LRP1B: variants seen among roughly 807,000 people sequenced by gnomAD.
The protein encoded by LRP1B is LDL receptor related protein 1B.
A neutral mutation model predicts 556.6 loss-of-function variants in LRP1B; 217 were observed. That is an observed-to-expected ratio of 0.39 (90% CI 0.35 to 0.44). The LOEUF is 0.44. Ranked by LOEUF, LRP1B falls within the 20% of genes least tolerant of loss-of-function variation. The probability of loss-of-function intolerance (pLI) is 1.00; values close to 1 mark genes in which losing one functional copy is unlikely to be tolerated. For missense variants in LRP1B, 5,053 were observed against 5,620.8 expected (o/e 0.90, Z 3.23); for synonymous variants, 2,047 against 1,865.8 (o/e 1.10, Z -2.50).
chr2:141,426,544 A>G (rs1680370529), intron 3 of LRP1B, among the ~76,000 whole-genome samples: 1 of 151,308 alleles, frequency 6.6e-6, no homozygotes, highest in Admixed American at 6.6e-5. Flanking sequence ...CTTTGAAATG[A>G]CAAAGAAAGA....
chr2:140,946,183 T>C (rs1469657801), intron 20 of LRP1B, among the ~76,000 whole-genome samples: 6 of 152,150 alleles, frequency 3.9e-5, no homozygotes, highest in South Asian at 2.1e-4. Context: ...ATGGCTATTA[T>C]TAAAAAGTCA....
intron 55 of LRP1B, among the ~76,000 whole-genome samples, chr2:140,496,543 A>G (rs2104876694): frequency 6.6e-6 from 1 of 152,168 alleles, no homozygotes; most frequent in South Asian, 2.1e-4. Context: ...ATGATGTTTT[A>G]TTTGTCCTTC....
intron 60 of LRP1B, among the ~76,000 whole-genome samples, chr2:140,474,481 G>C (rs987097476): frequency 1.3e-5 from 2 of 151,834 alleles, no homozygotes; most frequent in Non-Finnish European, 2.9e-5. Flanking sequence ...TGATAGCAAA[G>C]GTGACACTAG....
At chr2:142,123,149 T>A (rs574793573) in intron 1 of LRP1B, among the ~76,000 whole-genome samples, 3 of 152,028 alleles carry the variant, frequency 2.0e-5, no homozygotes, top group East Asian at 3.9e-4. Context: ...AGCTTTTCTT[T>A]CTCACAAATA....
chr2:140,895,945 G>A (rs1366647305), intron 23 of LRP1B, among the ~76,000 whole-genome samples: 1 of 152,074 alleles, frequency 6.6e-6, no homozygotes, highest in South Asian at 2.1e-4. Flanking sequence ...TGGAGGTGGG[G>A]GGCAGGGTGG....
intron 86 of LRP1B, among the ~76,000 whole-genome samples, chr2:140,260,233 T>G (rs2104924760): frequency 6.6e-6 from 1 of 152,040 alleles, no homozygotes; most frequent in East Asian, 1.9e-4. Flanking sequence ...AAACACTGAG[T>G]GTCTGAACTG....
chr2:141,356,878 T>C (rs1446856999), intron 3 of LRP1B, among the ~76,000 whole-genome samples: 1 of 152,118 alleles, frequency 6.6e-6, no homozygotes, highest in Admixed American at 6.5e-5. Flanking sequence ...TTTTTTCTTA[T>C]TATCGCAACC....
At chr2:141,517,788 A>G (rs1684378870) in intron 2 of LRP1B, among the ~76,000 whole-genome samples, 1 of 152,202 alleles carries the variant, frequency 6.6e-6, no homozygotes, top group African/African-American at 2.4e-5. Flanking sequence ...AGAAAAGCTT[A>G]CTTCCTAAGA....
chr2:141,940,459 C>T (rs1304214796), intron 1 of LRP1B, among the ~76,000 whole-genome samples: 3 of 152,050 alleles, frequency 2.0e-5, no homozygotes, highest in African/African-American at 7.2e-5. Context: ...ATGTAATTCA[C>T]AATGTACTCT....
chr2:140,902,836 ATTAATTTTCT>A (rs1439139055), intron 23 of LRP1B, 74 bp downstream of exon 23: 9 of 1,421,806 alleles, frequency 6.3e-6, no homozygotes, highest in Non-Finnish European at 8.7e-6. Flanking sequence ...GAATCCTTTC[ATTAATTTTCT>A]GAAGCAGTTT....
intron 60 of LRP1B, among the ~76,000 whole-genome samples, chr2:140,463,371 TG>T (rs760996281): frequency 5.9e-5 from 9 of 152,228 alleles, no homozygotes; most frequent in African/African-American, 2.2e-4. Flanking sequence ...CTAATAATTA[TG>T]TATGTCTCCT....
chr2:141,321,147 G>C (rs1364975506), intron 3 of LRP1B, among the ~76,000 whole-genome samples: 2 of 152,028 alleles, frequency 1.3e-5, no homozygotes, highest in East Asian at 3.9e-4. Context: ...TGAGAATAAA[G>C]GGCATAAAGA....
At chr2:141,834,895 G>A (rs931868951) in intron 1 of LRP1B, among the ~76,000 whole-genome samples, 12 of 152,036 alleles carry the variant, frequency 7.9e-5, no homozygotes, top group African/African-American at 2.9e-4. Flanking sequence ...ACAGGTGGAA[G>A]GTGAAAGGGA....
chr2:141,209,816 A>G (rs1682465361), intron 6 of LRP1B, among the ~76,000 whole-genome samples: 1 of 152,200 alleles, frequency 6.6e-6, no homozygotes, highest in African/African-American at 2.4e-5. Flanking sequence ...AGACACAGAC[A>G]CGGATGGAGG....
At chr2:141,637,189 T>C (rs185732693) in intron 2 of LRP1B, among the ~76,000 whole-genome samples, 18 of 152,248 alleles carry the variant, frequency 1.2e-4, no homozygotes, top group Admixed American at 3.3e-4. Context: ...TTGTTCAGCA[T>C]GAGGAAAAAC....
intron 3 of LRP1B, among the ~76,000 whole-genome samples, chr2:141,288,376 A>T (rs1190262638): frequency 6.6e-6 from 1 of 152,076 alleles, no homozygotes; most frequent in Non-Finnish European, 1.5e-5. Context: ...AAATAGAGCC[A>T]TTTTTTTCCT....
chr2:140,758,093 A>C (rs902846781), intron 35 of LRP1B, among the ~76,000 whole-genome samples: 3 of 152,198 alleles, frequency 2.0e-5, no homozygotes, highest in Admixed American at 6.5e-5. Flanking sequence ...AGTTAAAATA[A>C]AGAAAATTCT....
chr2:141,439,829 G>A (rs1680895981), intron 3 of LRP1B, among the ~76,000 whole-genome samples: 2 of 152,164 alleles, frequency 1.3e-5, no homozygotes, highest in Non-Finnish European at 2.9e-5. Context: ...TAAAAAGAAA[G>A]TCTGAGTGAC....
chr2:141,105,047 C>T (rs1320571003), intron 7 of LRP1B, among the ~76,000 whole-genome samples: 2 of 151,936 alleles, frequency 1.3e-5, no homozygotes, highest in Non-Finnish European at 2.9e-5. Context: ...ATAAAATTGG[C>T]TTAGCATGAT....
Sources: gnomAD v4.1 joint callset for allele counts (sites outside exome capture counted in the v4.1 genomes callset) on GRCh38, gnomAD v4.1.1 for gene constraint, MANE v1.5 for transcripts, NCBI Gene and HGNC (gene_info 2026-07-23, HGNC 2026-07-21) for gene names.